Variants in ABCA1 observed in about 807,000 individuals in gnomAD.
ABCA1 encodes ATP binding cassette subfamily A member 1.
Under a neutral mutation model 262.5 loss-of-function variants are expected in ABCA1, and 133 were observed. The observed-to-expected ratio is 0.51, with a 90% CI of 0.44 to 0.59. ABCA1 has a LOEUF of 0.59. ABCA1 is among the 20% of genes least tolerant of loss of function. The pLI is 0.00. For synonymous variants in ABCA1, 1,022 were observed against 1,043.5 expected, an observed-to-expected ratio of 0.98 and a Z score of 0.40; for missense variants, 2,452 against 2,777.5, an observed-to-expected ratio of 0.88 and a Z score of 2.63.
At position 104,799,360 on chromosome 9, in the gene ABCA1, C is replaced by T. The variant is rs904847691; in HGVS notation, c.4943+459G>A. ...CAGATCTGTATGACTCCAAAGGCTG[C>T]ATACTTTAAACTAGCTCATCCTGGC... On this transcript the variant is annotated intron_variant, in intron 36 of 49. Transcript: ENST00000374736. 20 of 782,122 alleles carry T rather than the reference C, an allele frequency of 2.6e-5. No homozygotes were observed. In the African/African-American group the frequency reaches 3.9e-4, roughly 15 times the overall value. The allele number at this position is 782,122 out of a possible 1,614,324, so 48.4% of individuals were successfully genotyped here.
At chr9:104,827,458 A>G (rs1323920397) in intron 15 of ABCA1, among the ~76,000 whole-genome samples, 1 of 152,192 alleles carries the variant, frequency 6.6e-6, no homozygotes, top group East Asian at 1.9e-4. Context: ...TTCAATAGGT[A>G]ATTTCAACTG....
chr9:104,870,229 T>C (rs1837480096), intron 5 of ABCA1, among the ~76,000 whole-genome samples: 1 of 152,228 alleles, frequency 6.6e-6, no homozygotes, highest in Admixed American at 6.5e-5. Context: ...AACTTCTGAA[T>C]GGCTACAGTA....
Position 104,781,779 on chromosome 9 carries a change from G to A in ABCA1, c.*2536C>T, listed in dbSNP as rs1828560830. On this transcript the variant is annotated 3_prime_UTR_variant, in exon 50 of 50. Transcript: ENST00000374736. Reference sequence around the variant, plus strand: ...TGCAAAAGCAGAAATTTTTGAACACGTATTTTGAGAATTTCTGAAACTCAC... The same window carrying A: ...TGCAAAAGCAGAAATTTTTGAACACATATTTTGAGAATTTCTGAAACTCAC... 1.3e-5 allele frequency: 2 copies of A among 152,552 alleles called. No individual in the cohort carries two copies. Among genetic ancestry groups the A allele is most frequent in the Admixed American group, 6.5e-5 (1 of 15,280 alleles). The allele number at this position is 152,552 out of a possible 1,614,324, so 9.4% of individuals were successfully genotyped here. A position where few individuals can be genotyped will look rare whatever the true frequency, so the allele number is the denominator to read the frequency against.
rs1178505471 is a variant in ABCA1 at position 104,782,135 on chromosome 9, T to C, written c.*2180A>G. ...GAATTAGAATACGATTTTAGTAAAA[T>C]GAGGAAACCATAACTTTGATTTTGA... On this transcript the variant is annotated 3_prime_UTR_variant, in exon 50 of 50. Transcript: ENST00000374736. 1 of 152,182 alleles carries C rather than the reference T, an allele frequency of 6.6e-6. No homozygotes were observed. The highest frequency in any genetic ancestry group is 2.1e-4 in the South Asian group (1 of 4,820). The allele number at this position is 152,182 out of a possible 1,614,324, so 9.4% of individuals were successfully genotyped here. A position where few individuals can be genotyped will look rare whatever the true frequency, so the allele number is the denominator to read the frequency against.
intron 15 of ABCA1, 128 bp downstream of exon 15, chr9:104,828,788 G>T (rs1170263064): frequency 2.9e-6 from 3 of 1,023,306 alleles, no homozygotes; most frequent in African/African-American, 1.6e-5. Flanking sequence ...GGATGAAATT[G>T]CAGGAAATGA....
At chr9:104,901,959 A>T (rs146036606) in intron 2 of ABCA1, among the ~76,000 whole-genome samples, 1 of 152,236 alleles carries the variant, frequency 6.6e-6, no homozygotes, top group Non-Finnish European at 1.5e-5. Flanking sequence ...TTATTTTATT[A>T]ATATAATATT....
intron 2 of ABCA1, among the ~76,000 whole-genome samples, chr9:104,895,776 C>T (rs1176033757): frequency 3.3e-5 from 5 of 152,192 alleles, no homozygotes; most frequent in Non-Finnish European, 7.3e-5. Flanking sequence ...AATCCAGTCA[C>T]TCTGTGAACC....
chr9:104,855,818 C>T, intron 7 of ABCA1: 1 of 1,601,002 alleles, frequency 6.2e-7, no homozygotes, highest in South Asian at 1.1e-5. Flanking sequence ...TGCCAAAACA[C>T]TGCTTTCCAG....
rs111671370 is a variant in ABCA1 at position 104,793,153 on chromosome 9, T to G, written c.5636+18A>C. 176 of 1,613,742 alleles carry G rather than the reference T, an allele frequency of 1.1e-4. 1 individual carries two copies. The African/African-American group carries it at 1.9e-3, about 18-fold the overall frequency. On this transcript the variant is annotated intron_variant, in intron 41 of 49. Transcript: ENST00000374736. ...GACCCTCAACCAGGTGCTCCACGGGTTCTAAGAAAAAGCTCACCTGGGCCT... is the reference window on the plus strand; with the variant it reads ...GACCCTCAACCAGGTGCTCCACGGGGTCTAAGAAAAAGCTCACCTGGGCCT...
rs1345816371 is a variant in ABCA1 at position 104,827,148 on chromosome 9, T to C, written c.2137A>G (p.Ser713Gly). 2 of 1,614,200 alleles carry C rather than the reference T, an allele frequency of 1.2e-6. No homozygotes were observed. The highest frequency in any genetic ancestry group is 1.7e-6 in the Non-Finnish European group (2 of 1,180,034). ...ILKLGNLLPY[S>G]DPSVVFVFLS... is the part of the protein sequence containing the mutation. ...AAGACAAACACCACGCTGGGATCAC[T>C]GTAGGGCAGCAGGTTTCCTAACTGG... The change falls in exon 16 of 50, where the codon AGT becomes GGT. Residue 713 changes from serine (S) to glycine (G), a missense_variant. Transcript: ENST00000374736.
At chr9:104,814,524 G>A (rs1475151118) in intron 25 of ABCA1, 49 bp from the exon 26 acceptor site, 1 of 1,557,444 alleles carries the variant, frequency 6.4e-7, no homozygotes, top group Non-Finnish European at 8.9e-7. Context: ...CATTACGAGA[G>A]TAGTCACCAC....
intron 5 of ABCA1, among the ~76,000 whole-genome samples, chr9:104,876,958 A>T (rs563226357): frequency 4.6e-5 from 7 of 152,362 alleles, no homozygotes; most frequent in Admixed American, 2.6e-4. Context: ...TAGTATTTTT[A>T]AAAAATCTTA....
chr9:104,903,506 T>C (rs761838293), intron 2 of ABCA1, 108 bp downstream of exon 2: 3 of 1,159,208 alleles, frequency 2.6e-6, no homozygotes, highest in Non-Finnish European at 3.8e-6. Flanking sequence ...TCAATCCCTG[T>C]GTGAAAACCA....
At chr9:104,789,548 A>G (rs990291570) in intron 44 of ABCA1, among the ~76,000 whole-genome samples, 2 of 152,192 alleles carry the variant, frequency 1.3e-5, no homozygotes, top group Admixed American at 1.3e-4. Context: ...GTCATTGTTC[A>G]TTAGTGGTTT....
intron 1 of ABCA1, among the ~76,000 whole-genome samples, chr9:104,916,033 G>C (rs1368286853): frequency 6.6e-6 from 1 of 152,018 alleles, no homozygotes; most frequent in Non-Finnish European, 1.5e-5. Context: ...GCCATGCTCT[G>C]ATCATGTGAA....
At chr9:104,812,526 C>T (rs1282706738) in intron 28 of ABCA1, 48 bp downstream of exon 28, 2 of 1,612,132 alleles carry the variant, frequency 1.2e-6, no homozygotes, top group Non-Finnish European at 1.7e-6. Flanking sequence ...ACAGAGCCTG[C>T]AGCCCACCCA....
intron 7 of ABCA1, chr9:104,855,953 T>A (rs762554835): frequency 6.2e-7 from 1 of 1,612,918 alleles, no homozygotes; most frequent in Non-Finnish European, 8.5e-7. Flanking sequence ...AATTCCACTT[T>A]TGGTACAGAA....
intron 5 of ABCA1, among the ~76,000 whole-genome samples, chr9:104,863,243 G>T (rs1291353745): frequency 6.6e-6 from 1 of 152,164 alleles, no homozygotes; most frequent in Non-Finnish European, 1.5e-5. Flanking sequence ...ATGCTTGGTA[G>T]GAGCCCTATG....
At chr9:104,910,988 T>G (rs1369776074) in intron 1 of ABCA1, among the ~76,000 whole-genome samples, 1 of 152,234 alleles carries the variant, frequency 6.6e-6, no homozygotes, top group African/African-American at 2.4e-5. Context: ...ATTGCAAGTG[T>G]GAGCTACCAT....
Sources: allele counts gnomAD v4.1 joint callset (sites outside exome capture counted in the v4.1 genomes callset), GRCh38; gene constraint gnomAD v4.1.1; transcripts MANE v1.5; gene names NCBI Gene and HGNC (gene_info 2026-07-23, HGNC 2026-07-21).